The following BCL6 variants were observed in gnomAD, a reference collection of about 807,000 sequenced individuals.
The protein encoded by BCL6 is BCL6 transcription repressor, also known as B-cell lymphoma 6 protein.
A neutral mutation model predicts 59.5 loss-of-function variants in BCL6; 7 were observed. The observed-to-expected ratio is 0.12, with a 90% CI of 0.07 to 0.22. The LOEUF (loss-of-function observed/expected upper bound fraction) is 0.22, where lower values mean the gene tolerates loss of function less well. Among genes scored for constraint, BCL6 ranks in the 10% least tolerant of loss-of-function variants. BCL6 has a pLI of 1.00. For missense variants in BCL6, 685 were observed against 939.4 expected, an observed-to-expected ratio of 0.73 and a Z score of 3.54; for synonymous variants, 339 against 349.7, an observed-to-expected ratio of 0.97 and a Z score of 0.34.
At chr3:187,745,155 T>G (rs575776096) in intron 1 of BCL6, among the ~76,000 whole-genome samples, 2 of 152,138 alleles carry the variant, frequency 1.3e-5, no homozygotes, top group South Asian at 2.1e-4. Flanking sequence ...ATCTATATCC[T>G]ATGGTGGGAG....
chr3:187,735,390 A>G (rs1393993650), intron 1 of BCL6, among the ~76,000 whole-genome samples: 1 of 152,170 alleles, frequency 6.6e-6, no homozygotes, highest in Non-Finnish European at 1.5e-5. Context: ...CTTTATCCTT[A>G]TTTCACTGGC....
chr3:187,741,969 CT>C (rs1711613508), intron 1 of BCL6, among the ~76,000 whole-genome samples: 1 of 151,474 alleles, frequency 6.6e-6, no homozygotes, highest in African/African-American at 2.4e-5. Flanking sequence ...ACCAGGCACC[CT>C]CCCCCCACCA....
chr3:187,724,060 A>C (rs1001596584), intron 9 of BCL6, among the ~76,000 whole-genome samples: 6 of 152,216 alleles, frequency 3.9e-5, no homozygotes, highest in South Asian at 2.1e-4. Flanking sequence ...AGCTTGATCA[A>C]CAAGTGAACA....
intron 1 of BCL6, among the ~76,000 whole-genome samples, chr3:187,745,096 A>G (rs1711866393): frequency 6.6e-6 from 1 of 152,142 alleles, no homozygotes; most frequent in African/African-American, 2.4e-5. Context: ...GCCTCCCCAA[A>G]CCGGCCGATT....
At position 187,729,722 on chromosome 3, in the gene BCL6, C is replaced by T. The variant is rs755544927; in HGVS notation, c.683G>A (p.Arg228Gln). 1.7e-5 allele frequency: 27 copies of T among 1,613,924 alleles called. No individual in the cohort carries two copies. Among genetic ancestry groups the T allele is most frequent in the Admixed American group, 8.3e-5 (5 of 60,000 alleles). The change falls in exon 5 of 10, where the codon CGG (arginine) becomes CAG (glutamine). Residue 228 changes from arginine to glutamine, a missense_variant. By Grantham distance (43) the Arg-to-Gln change is conservative. Transcript: ENST00000406870. This position sits in a 1 kb window ranked among gnomAD's most constrained non-coding sequence, Gnocchi z 5.6. Reference sequence around the variant, plus strand: ...CCTGGCACTATCACATGGGAGTGCCCGCTCCTTGGGGAAGGGGTTGGCCAC... The same window carrying T: ...CCTGGCACTATCACATGGGAGTGCCTGCTCCTTGGGGAAGGGGTTGGCCAC... Reference protein sequence around the residue: ...MPVANPFPKERALPCDSARPV... With the variant: ...MPVANPFPKEQALPCDSARPV...
chr3:187,725,699 T>C lies in BCL6; in HGVS notation c.1709-70A>G. On this transcript the variant is annotated intron_variant, in intron 7 of 9. Coordinates refer to ENST00000406870, the MANE Select transcript of BCL6 (RefSeq NM_001706.5). This position sits in a 1 kb window ranked among gnomAD's most constrained non-coding sequence, Gnocchi z 4.7. ...GAAGGTCTCTGCAGTCCGTGGCTCCTGGATTTCTAAGCAGCCTGCTCCTCC... is the reference window on the plus strand; with the variant it reads ...GAAGGTCTCTGCAGTCCGTGGCTCCCGGATTTCTAAGCAGCCTGCTCCTCC... 6.3e-7 allele frequency: 1 copy of C among 1,588,254 alleles called. No individual in the cohort carries two copies. The highest frequency in any genetic ancestry group is 1.1e-5 in the South Asian group (1 of 89,318).
In BCL6 at chr3:187,729,097, C is replaced by T. The variant is rs1718880513; in HGVS notation, c.1308G>A (p.Glu436=). ...GGCTGGCTTGTGGGATGGTGGAGTC[C>T]TCCCCGCTGGCACTCAGCTTGGTTG... ...QSPTKLSASG[E]DSTIPQASRL... Residue 436 remains glutamate, a synonymous_variant, in exon 5 of 10, where the codon GAG becomes GAA. Transcript: ENST00000406870. The surrounding 1 kb of genome is among the most constrained non-coding windows in gnomAD (Gnocchi z 5.6). The T allele has an allele frequency of 6.5e-7, 1 of 1,549,734 alleles. No homozygotes were observed. Among genetic ancestry groups the T allele is most frequent in the Non-Finnish European group, 8.7e-7 (1 of 1,149,344 alleles).
Position 187,729,120 on chromosome 3 carries a change from T to C in BCL6, c.1285A>G (p.Thr429Ala), listed in dbSNP as rs758728015. ...EPENLDLQSP[T>A]KLSASGEDST... ...TCCTCCCCGCTGGCACTCAGCTTGG[T>C]TGGGGACTGGAGGTCAAGGTTCTCA... The change falls in exon 5 of 10, where the codon ACC becomes GCC. Residue 429 changes from threonine to alanine, a missense_variant. Around this residue, in one of 7 missense-constraint regions of BCL6, gnomAD observed 207 missense variants for 213.7 expected, o/e 0.97. Coordinates refer to ENST00000406870, the MANE Select transcript of BCL6 (RefSeq NM_001706.5). This position sits in a 1 kb window ranked among gnomAD's most constrained non-coding sequence, Gnocchi z 5.6. 8.9e-6 allele frequency: 14 copies of C among 1,578,662 alleles called. No homozygotes were observed. Among genetic ancestry groups the C allele is most frequent in the Middle Eastern group, 1.7e-4 (1 of 5,856 alleles).
chr3:187,723,856 A>G (rs985209149), intron 9 of BCL6, among the ~76,000 whole-genome samples: 13 of 152,226 alleles, frequency 8.5e-5, no homozygotes, highest in Admixed American at 7.2e-4. Flanking sequence ...CTAAAATTCT[A>G]GCAAATCATG....
chr3:187,731,858 G>C lies in BCL6; in HGVS notation c.234C>G (p.Ile78Met), dbSNP rs774593110. 2.1e-5 allele frequency: 34 copies of C among 1,614,066 alleles called. No individual in the cohort carries two copies. In the South Asian group the frequency reaches 3.5e-4, roughly 17 times the overall value. ...NLSVINLDPE[I>M]NPEGFCILLD... is the part of the protein sequence containing the mutation. ...GGAGGATGCAGAATCCCTCAGGGTT[G>C]ATCTCAGGATCTAGATTGATCACAC... Residue 78 changes from isoleucine to methionine, a missense_variant, in exon 4 of 10, where the codon ATC becomes ATG. By Grantham distance (10) the Ile-to-Met change is conservative. Coordinates refer to ENST00000406870, the MANE Select transcript of BCL6 (RefSeq NM_001706.5).
chr3:187,729,918 C>T lies in BCL6; in HGVS notation c.487G>A (p.Val163Met). ...CTCCTCAGTGGCAGGTTGTTCTCCA[C>T]CACCTCACGACCCCGATAGGCCATG... ...DIMAYRGREV[V>M]ENNLPLRSAP... is the part of the protein sequence containing the mutation. The change falls in exon 5 of 10, where the codon GTG becomes ATG. Residue 163 changes from valine to methionine, a missense_variant. Transcript: ENST00000406870. This position sits in a 1 kb window ranked among gnomAD's most constrained non-coding sequence, Gnocchi z 5.6. 6.2e-7 allele frequency: 1 copy of T among 1,614,092 alleles called. No individual in the cohort carries two copies. Among genetic ancestry groups the T allele is most frequent in the Non-Finnish European group, 8.5e-7 (1 of 1,180,000 alleles).
rs1176821201 is a variant in BCL6, at chr3:187,725,006, G to A, written c.1912C>T (p.Arg638Cys). The A allele has an allele frequency of 3.1e-6, 5 of 1,614,092 alleles. No homozygotes were observed. The highest frequency in any genetic ancestry group is 1.3e-5 in the African/African-American group (1 of 74,936). Reference sequence around the variant, plus strand: ...TTCAGAGTCTGAAGGTGCCGGAAACGGGTGCCACAGATTTCACAGGGATAG... The same window carrying A: ...TTCAGAGTCTGAAGGTGCCGGAAACAGGTGCCACAGATTTCACAGGGATAG... ...KPYPCEICGT[R>C]FRHLQTLKSH... The change falls in exon 9 of 10, where the codon CGT becomes TGT. Residue 638 changes from arginine to cysteine, a missense_variant. Transcript: ENST00000406870. The surrounding 1 kb of genome is among the most constrained non-coding windows in gnomAD (Gnocchi z 4.7).
intron 1 of BCL6, among the ~76,000 whole-genome samples, chr3:187,744,113 C>T (rs564351620): frequency 6.6e-6 from 1 of 152,186 alleles, no homozygotes; most frequent in Middle Eastern, 3.4e-3. Flanking sequence ...TTTTACAGAG[C>T]TTGCACCATG....
At position 187,733,642 on chromosome 3, in the gene BCL6, C is replaced by G; in HGVS notation, c.52G>C (p.Val18Leu). 1 of 1,614,126 alleles carries G rather than the reference C, an allele frequency of 6.2e-7. No individual in the cohort carries two copies. The highest frequency in any genetic ancestry group is 8.5e-7 in the Non-Finnish European group (1 of 1,180,016). The change falls in exon 3 of 10, where the codon GTT (valine) becomes CTT (leucine). Residue 18 changes from valine (V) to leucine (L), a missense_variant. By Grantham distance (32) the Val-to-Leu change is conservative. Coordinates refer to ENST00000406870, the MANE Select transcript of BCL6 (RefSeq NM_001706.5). ...CIQFTRHASDVLLNLNRLRSR... is the reference protein window; with the variant it reads ...CIQFTRHASDLLLNLNRLRSR... The stretch of plus-strand genomic sequence containing the variant: ...CGGAGACGATTAAGGTTGAGAAGAA[C>G]ATCACTGGCATGGCGGGTGAACTGG...
chr3:187,726,583 G>C, intron 7 of BCL6, 148 bp downstream of exon 7: 1 of 1,117,352 alleles, frequency 8.9e-7, no homozygotes, highest in South Asian at 1.6e-5. Context: ...ACAAGACAGG[G>C]TTAGACCCCT....
In BCL6 at chr3:187,722,331, C is replaced by CCCAA; in HGVS notation, c.*126_*127insTTGG. ...CCCGACCCCCACCACCCCCAACCCC[C>CCCAA]AGCTATGATTTGCACTAGTGGATGA... On this transcript the variant is annotated 3_prime_UTR_variant, in exon 10 of 10. Coordinates refer to ENST00000406870, the MANE Select transcript of BCL6 (RefSeq NM_001706.5). 4 of 864,906 alleles carry CCCAA rather than the reference C, an allele frequency of 4.6e-6. No homozygotes were observed. The highest frequency in any genetic ancestry group is 6.1e-6 in the Non-Finnish European group (4 of 658,094). The allele number at this position is 864,906 out of a possible 1,614,324, so 53.6% of individuals were successfully genotyped here.
intron 5 of BCL6, among the ~76,000 whole-genome samples, chr3:187,728,748 G>T (rs756350422): frequency 6.6e-6 from 1 of 152,064 alleles, no homozygotes; most frequent in South Asian, 2.1e-4. Flanking sequence ...GAGCTTCCCC[G>T]CAGCCCACAA....
At chr3:187,733,344 A>C (rs1376470882) in intron 3 of BCL6, among the ~76,000 whole-genome samples, 189 bp downstream of exon 3, 1 of 151,810 alleles carries the variant, frequency 6.6e-6, no homozygotes, top group Non-Finnish European at 1.5e-5. Flanking sequence ...TCTTTTCTAA[A>C]AGTGCATTCA....
At chr3:187,731,497 C>T (rs975585519) in intron 4 of BCL6, among the ~76,000 whole-genome samples, 4 of 151,794 alleles carry the variant, frequency 2.6e-5, no homozygotes, top group African/African-American at 9.7e-5. Flanking sequence ...AAGCAAGATG[C>T]GGTAATGCAT....
Sources: allele counts gnomAD v4.1 joint callset (sites outside exome capture counted in the v4.1 genomes callset), GRCh38; gene constraint gnomAD v4.1.1; regional missense constraint gnomAD v4.1.1; non-coding constraint Gnocchi (gnomAD v3.1); transcripts MANE v1.5; gene names NCBI Gene and HGNC (gene_info 2026-07-23, HGNC 2026-07-21).